The following NKAIN3 variants were observed in gnomAD, a reference collection of about 807,000 sequenced individuals.
NKAIN3 encodes the protein sodium/potassium transporting ATPase interacting 3.
A neutral mutation model predicts 30.2 loss-of-function variants in NKAIN3; 25 were observed. The ratio of observed to expected loss-of-function variants is 0.83; its 90% CI spans 0.60 to 1.16. The LOEUF is 1.16. Among genes scored for constraint, NKAIN3 ranks in the 50% most tolerant of loss-of-function variants. The probability of loss-of-function intolerance (pLI) is 0.00; values close to 1 mark genes in which losing one functional copy is unlikely to be tolerated. For missense variants in NKAIN3, 225 were observed against 254.1 expected (o/e 0.89, Z 0.78); for synonymous variants, 91 against 89.6 (o/e 1.02, Z -0.09).
chr8:62,560,456 C>T (rs1303778914), intron 1 of NKAIN3, among the ~76,000 whole-genome samples: 1 of 146,322 alleles, frequency 6.8e-6, no homozygotes, highest in African/African-American at 2.5e-5. Flanking sequence ...TTTTTTTCAG[C>T]CTATTTTCTG....
chr8:62,862,491 G>T (rs1276879333), intron 4 of NKAIN3, among the ~76,000 whole-genome samples: 1 of 151,932 alleles, frequency 6.6e-6, no homozygotes, highest in Non-Finnish European at 1.5e-5. Flanking sequence ...AATAAAGAGT[G>T]CAATTAAAAA....
intron 1 of NKAIN3, among the ~76,000 whole-genome samples, chr8:62,389,958 C>G (rs893865518): frequency 2.6e-5 from 4 of 152,110 alleles, no homozygotes; most frequent in African/African-American, 9.7e-5. Flanking sequence ...CCTTTATAGC[C>G]TCTTCAGGGA....
intron 3 of NKAIN3, among the ~76,000 whole-genome samples, chr8:62,645,725 T>A (rs867668613): frequency 1.3e-5 from 2 of 152,120 alleles, no homozygotes; most frequent in Non-Finnish European, 2.9e-5. Context: ...ACCAACTTTG[T>A]TTTGGGCATT....
chr8:62,483,619 T>C (rs182725410), intron 1 of NKAIN3: 1 of 182,616 alleles, frequency 5.5e-6, no homozygotes, highest in Admixed American at 6.2e-5. Flanking sequence ...TCTTTTATGA[T>C]TTGAATGGGT....
At chr8:62,723,115 C>CA (rs1815143376) in intron 3 of NKAIN3, among the ~76,000 whole-genome samples, 2 of 151,962 alleles carry the variant, frequency 1.3e-5, no homozygotes, top group South Asian at 4.2e-4. Flanking sequence ...ATCCATAGGT[C>CA]AAAAAATAAC....
intron 3 of NKAIN3, among the ~76,000 whole-genome samples, chr8:62,714,890 T>A (rs1329149918): frequency 6.6e-6 from 1 of 152,160 alleles, no homozygotes; most frequent in Non-Finnish European, 1.5e-5. Flanking sequence ...AACATTAAGG[T>A]CATTAACAGT....
intron 1 of NKAIN3, among the ~76,000 whole-genome samples, chr8:62,539,991 C>T (rs1274089465): frequency 6.6e-6 from 1 of 152,098 alleles, no homozygotes; most frequent in Non-Finnish European, 1.5e-5. Flanking sequence ...ATTTTGTCAG[C>T]CTTACCTCAT....
At chr8:62,534,396 G>T (rs1300445874) in intron 1 of NKAIN3, among the ~76,000 whole-genome samples, 2 of 152,082 alleles carry the variant, frequency 1.3e-5, no homozygotes, top group African/African-American at 4.8e-5. Context: ...ACCTTCTCTC[G>T]CAGTGCTGAT....
chr8:62,591,901 G>T (rs1810665688), intron 3 of NKAIN3, among the ~76,000 whole-genome samples: 2 of 152,034 alleles, frequency 1.3e-5, no homozygotes, highest in South Asian at 4.1e-4. Context: ...CACTTTTCCA[G>T]GTTCGTTCCA....
rs532652289 is a variant in NKAIN3 at position 62,814,859 on chromosome 8, G to A, written c.471+67730G>A. Among the ~76,000 whole-genome samples the A allele has an allele frequency of 1.2e-4, 19 of 152,186 alleles. No homozygotes were observed. In the East Asian group the frequency reaches 3.3e-3, roughly 26 times the overall value. ...GAGCAAACACATTCAAAAGCTCGCA[G>A]AAGACAAGAAATAACTAAAATCAGA... On this transcript the variant is annotated intron_variant, in intron 4 of 6. Transcript: ENST00000623646.
At chr8:62,536,798 A>C (rs1240549778) in intron 1 of NKAIN3, among the ~76,000 whole-genome samples, 7 of 152,178 alleles carry the variant, frequency 4.6e-5, no homozygotes, top group Non-Finnish European at 1.0e-4. Context: ...AATAAACTTT[A>C]GTTCACTTTT....
chr8:62,481,564 G>A (rs1032028103), intron 1 of NKAIN3, among the ~76,000 whole-genome samples: 3 of 152,192 alleles, frequency 2.0e-5, no homozygotes, highest in African/African-American at 7.2e-5. Context: ...AGCTAGCACA[G>A]AGGCAGGCCC....
chr8:62,511,050 C>T (rs1807800452), intron 1 of NKAIN3, among the ~76,000 whole-genome samples: 1 of 152,152 alleles, frequency 6.6e-6, no homozygotes, highest in Non-Finnish European at 1.5e-5. Flanking sequence ...ACATTGCTCT[C>T]AAACCTCCAG....
At chr8:62,353,946 C>T (rs1816265635) in intron 1 of NKAIN3, among the ~76,000 whole-genome samples, 1 of 152,142 alleles carries the variant, frequency 6.6e-6, no homozygotes, top group Non-Finnish European at 1.5e-5. Flanking sequence ...TTTAATGGCT[C>T]CTTAAAAGAA....
intron 1 of NKAIN3, among the ~76,000 whole-genome samples, chr8:62,416,600 T>C (rs1395018231): frequency 6.6e-6 from 1 of 152,238 alleles, no homozygotes; most frequent in Non-Finnish European, 1.5e-5. Context: ...TAATGCATAA[T>C]AATCACATCA....
At chr8:62,801,926 G>A (rs935658959) in intron 4 of NKAIN3, among the ~76,000 whole-genome samples, 5 of 152,182 alleles carry the variant, frequency 3.3e-5, no homozygotes, top group African/African-American at 1.2e-4. Context: ...GTGCTTAAAG[G>A]AGCTGATGGA....
At chr8:62,914,777 CTTTTTTTTT>C (rs34474788) in intron 4 of NKAIN3, among the ~76,000 whole-genome samples, 1 of 112,188 alleles carries the variant, frequency 8.9e-6, no homozygotes, top group Non-Finnish European at 1.9e-5. Context: ...TTACTGTAAT[CTTTTTTTTT>C]TTTTTTTTTT....
intron 3 of NKAIN3, among the ~76,000 whole-genome samples, chr8:62,643,078 C>T (rs902666279): frequency 3.3e-5 from 5 of 151,890 alleles, no homozygotes; most frequent in Non-Finnish European, 7.4e-5. Context: ...CCTTTGATAG[C>T]ATCTTTTTTT....
intron 4 of NKAIN3, among the ~76,000 whole-genome samples, chr8:62,778,161 C>G (rs994104996): frequency 3.3e-5 from 5 of 152,096 alleles, no homozygotes; most frequent in Non-Finnish European, 7.4e-5. Flanking sequence ...GAAGCCAATA[C>G]AGCACTGAGT....
Sources: allele counts gnomAD v4.1 joint callset (sites outside exome capture counted in the v4.1 genomes callset), GRCh38; gene constraint gnomAD v4.1.1; transcripts MANE v1.5; gene names NCBI Gene and HGNC (gene_info 2026-07-23, HGNC 2026-07-21).